The following RBFOX1 variants were observed in gnomAD, a reference collection of about 807,000 sequenced individuals.
The protein encoded by RBFOX1 is RNA binding protein fox-1 homolog 1.
A neutral mutation model predicts 57.7 loss-of-function variants in RBFOX1; 8 were observed. The ratio of observed to expected loss-of-function variants is 0.14; its 90% CI spans 0.08 to 0.25. The LOEUF (loss-of-function observed/expected upper bound fraction) is 0.25, where lower values mean the gene tolerates loss of function less well. Ranked by LOEUF, RBFOX1 falls within the 10% of genes least tolerant of loss-of-function variation. The pLI is 1.00. For missense variants in RBFOX1, 611 were observed against 548.5 expected, an observed-to-expected ratio of 1.11 and a Z score of -1.14; for synonymous variants, 326 against 222.4, an observed-to-expected ratio of 1.47 and a Z score of -4.15.
chr16:7,590,801 G>C (rs1010002528), intron 7 of RBFOX1, among the ~76,000 whole-genome samples: 2 of 147,334 alleles, frequency 1.4e-5, no homozygotes, highest in Non-Finnish European at 3.0e-5. Context: ...GGAGATTGCA[G>C]TGAGCCGAGA....
chr16:7,621,117 A>G (rs908114377), intron 10 of RBFOX1, among the ~76,000 whole-genome samples: 1 of 152,178 alleles, frequency 6.6e-6, no homozygotes, highest in East Asian at 1.9e-4. Context: ...GAGTTTGAGA[A>G]GCAAGGCCCT....
chr16:5,873,053 A>G (rs1474675606), intron 4 of RBFOX1, among the ~76,000 whole-genome samples: 1 of 152,018 alleles, frequency 6.6e-6, no homozygotes, highest in Non-Finnish European at 1.5e-5. Context: ...TGGGAGGCTG[A>G]GCAAGAGAAT....
At chr16:6,850,509 G>T (rs2094004413) in intron 3 of RBFOX1, among the ~76,000 whole-genome samples, 1 of 151,966 alleles carries the variant, frequency 6.6e-6, no homozygotes, top group African/African-American at 2.4e-5. Flanking sequence ...GAGAAGAGAT[G>T]GGAGAGGAAG....
rs757379078 is a variant in RBFOX1 at position 6,038,533 on chromosome 16, T to TAG, written c.-127+18542_-127+18543insGA. On this transcript the variant is annotated intron_variant, in intron 1 of 15. Coordinates refer to ENST00000550418, the MANE Select transcript of RBFOX1 (RefSeq NM_018723.4). ...ATATCCATATATATATCCGTGGAGATATATATATATATATATATCATCCAT... is the reference window on the plus strand; with the variant it reads ...ATATCCATATATATATCCGTGGAGATAGATATATATATATATATATCATCCAT... The TAG allele has an allele frequency of 2.4e-4, 35 of 143,868 alleles. No homozygotes were observed. The East Asian group carries it at 6.7e-3, about 27-fold the overall frequency. The allele number at this position is 143,868 out of a possible 1,614,324, so 8.9% of individuals were successfully genotyped here. A position where few individuals can be genotyped will look rare whatever the true frequency, so the allele number is the denominator to read the frequency against.
intron 5 of RBFOX1, among the ~76,000 whole-genome samples, chr16:7,576,942 C>A (rs1424509718): frequency 6.6e-6 from 1 of 152,078 alleles, no homozygotes; most frequent in Admixed American, 6.6e-5. Flanking sequence ...TACTAAAACC[C>A]CTTAACTTCT....
In RBFOX1 at chr16:6,742,039, A is replaced by T. The variant is rs1018581084; in HGVS notation, c.-16+87389A>T. On this transcript the variant is annotated intron_variant, in intron 3 of 15. Transcript: ENST00000550418. ...GTGTGTGGTTCTGCATATGTTCATT[A>T]ACTTGAGTTAGCCATTCTACAGTGT... is the stretch of plus-strand genomic sequence containing the variant. 4.6e-5 allele frequency among the ~76,000 whole-genome samples: 7 copies of T among 152,212 alleles called. No homozygotes were observed. In the East Asian group the frequency reaches 1.3e-3, roughly 29 times the overall value.
intron 2 of RBFOX1, among the ~76,000 whole-genome samples, chr16:5,580,523 C>G (rs1175117434): frequency 6.6e-6 from 1 of 152,222 alleles, no homozygotes. Context: ...TGTGCCTTAG[C>G]TCAGAGCCAG....
chr16:5,878,633 C>G (rs967396207), intron 4 of RBFOX1, among the ~76,000 whole-genome samples: 1 of 152,058 alleles, frequency 6.6e-6, no homozygotes, highest in Non-Finnish European at 1.5e-5. Context: ...TGATTCCCGG[C>G]ACTAATGTAG....
At chr16:6,884,565 A>T (rs1259324479) in intron 3 of RBFOX1, among the ~76,000 whole-genome samples, 2 of 152,180 alleles carry the variant, frequency 1.3e-5, no homozygotes, top group East Asian at 3.9e-4. Context: ...GACCTCAAAT[A>T]TGTTTTATTA....
intron 2 of RBFOX1, among the ~76,000 whole-genome samples, chr16:6,496,230 C>G (rs1359904119): frequency 1.3e-5 from 2 of 151,968 alleles, no homozygotes; most frequent in Non-Finnish European, 2.9e-5. Context: ...CAAATTTAGA[C>G]TAGATTGTTG....
At chr16:6,168,432 G>A (rs571159138) in intron 1 of RBFOX1, among the ~76,000 whole-genome samples, 16 of 152,168 alleles carry the variant, frequency 1.1e-4, no homozygotes, top group Middle Eastern at 3.4e-3. Flanking sequence ...TTACAGTCAG[G>A]CTCCCAAAGA....
intron 4 of RBFOX1, among the ~76,000 whole-genome samples, chr16:7,398,635 G>A (rs902798808): frequency 1.3e-5 from 2 of 152,186 alleles, no homozygotes; most frequent in Non-Finnish European, 2.9e-5. Flanking sequence ...ATTCTCTCAG[G>A]AGACTGCCAG....
intron 1 of RBFOX1, among the ~76,000 whole-genome samples, chr16:6,056,766 T>C (rs2095619554): frequency 6.6e-6 from 1 of 152,170 alleles, no homozygotes; most frequent in Admixed American, 6.5e-5. Flanking sequence ...CACACTCCCT[T>C]TTGAGTGTTA....
At chr16:5,372,426 A>T (rs538892363) in intron 1 of RBFOX1, among the ~76,000 whole-genome samples, 6 of 152,110 alleles carry the variant, frequency 3.9e-5, no homozygotes, top group Non-Finnish European at 8.8e-5. Flanking sequence ...AGTCTCAAAC[A>T]TGTACAATTT....
chr16:5,545,075 C>T (rs1167878894), intron 2 of RBFOX1, among the ~76,000 whole-genome samples: 1 of 144,452 alleles, frequency 6.9e-6, no homozygotes, highest in South Asian at 2.2e-4. Context: ...CTCCTGGGTT[C>T]AAGTGATTCT....
At chr16:7,339,487 C>G (rs967717545) in intron 4 of RBFOX1, among the ~76,000 whole-genome samples, 6 of 152,210 alleles carry the variant, frequency 3.9e-5, no homozygotes, top group African/African-American at 1.2e-4. Flanking sequence ...GTAGCCCAGG[C>G]TGTAGTGCAG....
intron 1 of RBFOX1, among the ~76,000 whole-genome samples, chr16:6,104,272 C>A (rs986207191): frequency 6.6e-6 from 1 of 152,096 alleles, no homozygotes; most frequent in Non-Finnish European, 1.5e-5. Flanking sequence ...AAATACGCTT[C>A]TTAAGTATAA....
chr16:5,777,613 T>A (rs1431103720), intron 3 of RBFOX1, among the ~76,000 whole-genome samples: 1 of 152,158 alleles, frequency 6.6e-6, no homozygotes, highest in Non-Finnish European at 1.5e-5. Context: ...CCTTCCTGAG[T>A]CTGAGTTAAC....
Position 5,955,240 on chromosome 16 carries a change from C to T in RBFOX1, c.351+87905C>T, listed in dbSNP as rs531070127. Among the ~76,000 whole-genome samples the T allele has an allele frequency of 2.0e-5, 3 of 146,850 alleles. No individual in the cohort carries two copies. In the East Asian group the frequency reaches 6.0e-4, roughly 30 times the overall value. The stretch of plus-strand genomic sequence containing the variant: ...AGGCTGTAGTGAGCCAAGATTATGC[C>T]ATTGCACTTCAGCCTGGGTGACAAG... On this transcript the variant is annotated intron_variant, in intron 4 of 19. Transcript: ENST00000641259.
Sources: allele counts gnomAD v4.1 joint callset (sites outside exome capture counted in the v4.1 genomes callset), GRCh38; gene constraint gnomAD v4.1.1; transcripts MANE v1.5; gene names NCBI Gene and HGNC (gene_info 2026-07-23, HGNC 2026-07-21).